Variants in HFM1 observed in about 807,000 individuals in gnomAD.
HFM1 encodes the protein helicase for meiosis 1.
Under a neutral mutation model 192.1 loss-of-function variants are expected in HFM1, and 169 were observed. The ratio of observed to expected loss-of-function variants is 0.88; its 90% CI spans 0.78 to 1.00. The LOEUF (loss-of-function observed/expected upper bound fraction) is 1.00, where lower values mean the gene tolerates loss of function less well. HFM1 is among the 50% of genes least tolerant of loss of function. The pLI, the probability that HFM1 is intolerant of heterozygous loss-of-function variation, is 0.00. For synonymous variants in HFM1, 525 were observed against 537.8 expected (o/e 0.98, Z 0.33); for missense variants, 1,661 against 1,668.0 (o/e 1.00, Z 0.07).
chr1:91,319,317 T>G lies in HFM1; in HGVS notation c.2656A>C (p.Arg886=). The change falls in exon 24 of 39, where the codon AGA becomes CGA. Residue 886 remains arginine, a synonymous_variant. Transcript: ENST00000370425. Reference sequence around the variant, plus strand: ...CATCTTGTAATTCGGGAGCCATGTCTGAAAATCTTTGCGGTATCTTGTGTC... The same window carrying G: ...CATCTTGTAATTCGGGAGCCATGTCGGAAAATCTTTGCGGTATCTTGTGTC... ...ALTQDTAKIF[R]HGSRITRWLS... The G allele has an allele frequency of 1.2e-6, 2 of 1,611,580 alleles. No individual in the cohort carries two copies. The highest frequency in any genetic ancestry group is 1.1e-5 in the South Asian group (1 of 91,038).
At chr1:91,374,958 C>T (rs534440950) in intron 13 of HFM1, among the ~76,000 whole-genome samples, 5 of 151,904 alleles carry the variant, frequency 3.3e-5, no homozygotes, top group East Asian at 3.9e-4. Context: ...GGACTGAGAA[C>T]GAACAGCCTG....
At chr1:91,387,337 G>A (rs28656104) in intron 4 of HFM1, among the ~76,000 whole-genome samples, 10 of 151,346 alleles carry the variant, frequency 6.6e-5, no homozygotes, top group East Asian at 1.9e-4. Context: ...CGCTATGAAC[G>A]CTTGGCCGCC....
intron 6 of HFM1, among the ~76,000 whole-genome samples, chr1:91,382,215 C>T (rs1172973772): frequency 6.6e-6 from 1 of 152,144 alleles, no homozygotes; most frequent in Admixed American, 6.6e-5. Context: ...AAGGTCTACC[C>T]TAAGTACTGT....
intron 13 of HFM1, among the ~76,000 whole-genome samples, chr1:91,362,591 T>C (rs1658661580): frequency 6.6e-6 from 1 of 152,130 alleles, no homozygotes; most frequent in Non-Finnish European, 1.5e-5. Flanking sequence ...ATAGGAAGAA[T>C]CAATATTGTG....
chr1:91,337,454 A>G (rs929293858), intron 20 of HFM1, among the ~76,000 whole-genome samples: 2 of 152,250 alleles, frequency 1.3e-5, no homozygotes, highest in African/African-American at 4.8e-5. Context: ...AGTATTAGTA[A>G]TATGAAGGAA....
intron 16 of HFM1, among the ~76,000 whole-genome samples, chr1:91,351,960 T>C (rs1381621491): frequency 6.6e-6 from 1 of 152,078 alleles, no homozygotes; most frequent in East Asian, 1.9e-4. Context: ...CTCTATGAAA[T>C]TGTAGAACTG....
intron 32 of HFM1, 92 bp from the exon 33 acceptor site, chr1:91,274,901 A>G (rs1399893768): frequency 3.5e-6 from 2 of 568,498 alleles, no homozygotes; most frequent in African/African-American, 1.9e-5. Flanking sequence ...GCTGGTACAT[A>G]AAGTCCCCAA....
At chr1:91,356,244 ATTT>A (rs879462206) in intron 13 of HFM1, among the ~76,000 whole-genome samples, 1 of 142,794 alleles carries the variant, frequency 7.0e-6, no homozygotes. Flanking sequence ...TCTAAGAGGA[ATTT>A]TTTTTTTTTT....
rs367673220 is a variant in HFM1, at chr1:91,282,713, C to G, written c.3392-5651G>C. On this transcript the variant is annotated intron_variant, in intron 30 of 38. Coordinates refer to ENST00000370425, the MANE Select transcript of HFM1 (RefSeq NM_001017975.6). ...TCTAGTTGTACCAGTTGCTTTAGCT[C>G]TCCCAGAGGATTCATTTAAGTTATT... Among the ~76,000 whole-genome samples, 10 of 150,348 alleles carry G rather than the reference C, an allele frequency of 6.7e-5. No individual in the cohort carries two copies. In the East Asian group the frequency reaches 1.4e-3, roughly 21 times the overall value.
chr1:91,385,503 A>G, intron 5 of HFM1, 72 bp downstream of exon 5: 1 of 1,265,886 alleles, frequency 7.9e-7, no homozygotes, highest in South Asian at 1.5e-5. Flanking sequence ...CTATATTTTT[A>G]CATTTTCCCC....
At chr1:91,327,322 C>T (rs1043563263) in intron 20 of HFM1, among the ~76,000 whole-genome samples, 3 of 152,118 alleles carry the variant, frequency 2.0e-5, no homozygotes, top group Non-Finnish European at 2.9e-5. Flanking sequence ...TTGAGACAAG[C>T]GTGAGCAACA....
At chr1:91,364,950 T>C (rs115965202) in intron 13 of HFM1, among the ~76,000 whole-genome samples, 2,493 of 151,874 alleles carry the variant, frequency 0.016, 28 homozygotes, top group Non-Finnish European at 0.024. Flanking sequence ...ATATATAACA[T>C]AGTATACACA....
At chr1:91,365,513 T>G (rs981813743) in intron 13 of HFM1, among the ~76,000 whole-genome samples, 18 of 152,018 alleles carry the variant, frequency 1.2e-4, no homozygotes, top group African/African-American at 4.3e-4. Context: ...GAAAACTAGG[T>G]GAAAAGACAA....
chr1:91,397,742 G>C (rs1663834579), intron 2 of HFM1, among the ~76,000 whole-genome samples: 1 of 152,186 alleles, frequency 6.6e-6, no homozygotes, highest in Admixed American at 6.5e-5. Flanking sequence ...TCAGCATGTA[G>C]TCCTACTCAC....
chr1:91,353,713 G>A (rs982730429), intron 13 of HFM1, among the ~76,000 whole-genome samples: 1 of 147,474 alleles, frequency 6.8e-6, no homozygotes, highest in South Asian at 2.1e-4. Context: ...TCTGAGACAT[G>A]GCATTTAAAA....
At chr1:91,362,308 C>G (rs1385692168) in intron 13 of HFM1, among the ~76,000 whole-genome samples, 2 of 152,150 alleles carry the variant, frequency 1.3e-5, no homozygotes, top group East Asian at 3.8e-4. Context: ...CTTCTCAGCA[C>G]AAAAGCTTCT....
rs141072847 is a variant in HFM1, at chr1:91,339,998, T to C, written c.2335+3432A>G. On this transcript the variant is annotated intron_variant, in intron 20 of 38. Transcript: ENST00000370425. ...CAAAAATCCTACACGCCAGAAGAGTTTGGGGGCCTATATTAAGCATTTTTT... is the reference window on the plus strand; with the variant it reads ...CAAAAATCCTACACGCCAGAAGAGTCTGGGGGCCTATATTAAGCATTTTTT... Among the ~76,000 whole-genome samples the C allele has an allele frequency of 5.6e-4, 85 of 152,248 alleles. 1 individual carries two copies. Among genetic ancestry groups the C allele is most frequent in the African/African-American group, 1.9e-3 (81 of 41,552 alleles).
chr1:91,264,762 G>A (rs1622312), intron 36 of HFM1, among the ~76,000 whole-genome samples: 152,083 of 152,266 alleles, frequency 1, 75,950 homozygotes, highest in Non-Finnish European at 1. Flanking sequence ...GAAAATTTTG[G>A]CTTTGGCCAT....
intron 30 of HFM1, among the ~76,000 whole-genome samples, chr1:91,278,917 A>C (rs1349639838): frequency 6.6e-6 from 1 of 152,180 alleles, no homozygotes; most frequent in Admixed American, 6.6e-5. Context: ...TGTTTCTGAA[A>C]CTAGAGAAAA....
Sources: gnomAD v4.1 joint callset for allele counts (sites outside exome capture counted in the v4.1 genomes callset) on GRCh38, gnomAD v4.1.1 for gene constraint, MANE v1.5 for transcripts, NCBI Gene and HGNC (gene_info 2026-07-23, HGNC 2026-07-21) for gene names.